DPYD: variants seen among roughly 807,000 people sequenced by gnomAD.
The protein encoded by DPYD is dihydropyrimidine dehydrogenase [NADP(+)].
In DPYD, 109 loss-of-function variants were observed where a neutral mutation model predicts 116.2. The ratio of observed to expected loss-of-function variants is 0.94; its 90% CI spans 0.80 to 1.10. The LOEUF (loss-of-function observed/expected upper bound fraction) is 1.10, where lower values mean the gene tolerates loss of function less well. Ranked by LOEUF, DPYD falls within the 50% of genes least tolerant of loss-of-function variation. The pLI is 0.00. For synonymous variants in DPYD, 440 were observed against 432.0 expected (o/e 1.02, Z -0.23); for missense variants, 1,302 against 1,254.5 (o/e 1.04, Z -0.57).
At chr1:97,224,984 T>C (rs1661019659) in intron 19 of DPYD, among the ~76,000 whole-genome samples, 1 of 149,830 alleles carries the variant, frequency 6.7e-6, no homozygotes, top group Non-Finnish European at 1.5e-5. Flanking sequence ...TACAGATCTA[T>C]CTAACTATCT....
At chr1:97,423,671 T>C (rs763966020) in intron 14 of DPYD, among the ~76,000 whole-genome samples, 2 of 152,116 alleles carry the variant, frequency 1.3e-5, no homozygotes, top group Non-Finnish European at 2.9e-5. Flanking sequence ...CAGTTTGCTC[T>C]CGTCTAAACT....
chr1:97,464,567 G>T (rs1044861217), intron 13 of DPYD, among the ~76,000 whole-genome samples: 1 of 152,150 alleles, frequency 6.6e-6, no homozygotes, highest in Non-Finnish European at 1.5e-5. Flanking sequence ...CTGTGCCCCA[G>T]CAACCCCAGC....
chr1:97,104,647 G>C (rs1373600546), intron 20 of DPYD, among the ~76,000 whole-genome samples: 1 of 152,096 alleles, frequency 6.6e-6, no homozygotes, highest in Non-Finnish European at 1.5e-5. Context: ...TGCAGTGGAG[G>C]CGTGAGGTCA....
intron 3 of DPYD, among the ~76,000 whole-genome samples, chr1:97,763,537 A>G (rs1330337032): frequency 6.6e-6 from 1 of 151,990 alleles, no homozygotes; most frequent in Non-Finnish European, 1.5e-5. Context: ...TCCTCCATCA[A>G]GAAAGGAAAA....
intron 14 of DPYD, among the ~76,000 whole-genome samples, chr1:97,449,303 A>T (rs1676263601): frequency 6.6e-6 from 1 of 152,184 alleles, no homozygotes; most frequent in South Asian, 2.1e-4. Flanking sequence ...ATTGAAAGAA[A>T]GAATGAAAGA....
intron 20 of DPYD, among the ~76,000 whole-genome samples, chr1:97,139,198 G>A (rs1400526263): frequency 1.3e-5 from 2 of 151,712 alleles, no homozygotes; most frequent in Non-Finnish European, 2.9e-5. Flanking sequence ...TGCCAGATTC[G>A]GTTCATCGGT....
intron 8 of DPYD, among the ~76,000 whole-genome samples, chr1:97,661,037 C>T (rs80253778): frequency 0.088 from 13,352 of 152,148 alleles, 804 homozygotes; most frequent in Middle Eastern, 0.12. Flanking sequence ...ATTTACCTCT[C>T]CATAATTATT....
chr1:97,721,521 A>G lies in DPYD; in HGVS notation c.472T>C (p.Phe158Leu). 1 of 1,611,296 alleles carries G rather than the reference A, an allele frequency of 6.2e-7. No homozygotes were observed. The change falls in exon 5 of 23, where the codon TTT (phenylalanine) becomes CTT (leucine). Residue 158 changes from phenylalanine (F) to leucine (L), a missense_variant. Phe to Leu is a conservative substitution (Grantham distance 22). Transcript: ENST00000370192. Reference protein sequence around the residue: ...GPINIGGLQQFATEVFKAMSI... With the variant: ...GPINIGGLQQLATEVFKAMSI... ...TATATCATACATACCTCAGTAGCAA[A>G]TTGCTGCAATCCACCAATATTAATG...
chr1:97,504,630 G>A (rs1028550400), intron 13 of DPYD, among the ~76,000 whole-genome samples: 1 of 151,836 alleles, frequency 6.6e-6, no homozygotes, highest in Non-Finnish European at 1.5e-5. Flanking sequence ...TTAGATAAAC[G>A]TTAGTCTAAA....
intron 20 of DPYD, among the ~76,000 whole-genome samples, chr1:97,160,829 A>G (rs1485588294): frequency 6.6e-6 from 1 of 152,132 alleles, no homozygotes; most frequent in East Asian, 1.9e-4. Context: ...TTTATTTTTC[A>G]AAGTTCAGTT....
intron 5 of DPYD, among the ~76,000 whole-genome samples, chr1:97,708,168 A>G (rs538833325): frequency 2.6e-5 from 4 of 152,190 alleles, no homozygotes; most frequent in South Asian, 2.1e-4. Context: ...AGTCTATCTT[A>G]TCAATAATTT....
intron 20 of DPYD, among the ~76,000 whole-genome samples, chr1:97,157,293 C>G (rs917399235): frequency 6.6e-6 from 1 of 151,458 alleles, no homozygotes; most frequent in Admixed American, 6.6e-5. Context: ...TAAAAAAACC[C>G]CTTCTTGGTA....
rs193020722 is a variant in DPYD at position 97,266,828 on chromosome 1, A to G, written c.2300-31834T>C. On this transcript the variant is annotated intron_variant, in intron 18 of 22. Coordinates refer to ENST00000370192, the MANE Select transcript of DPYD (RefSeq NM_000110.4). Reference sequence around the variant, plus strand: ...ATTTGCTCAGAATGATGACTTCCAGATTCATTCATGTCTCTGCAAAGGACA... The same window carrying G: ...ATTTGCTCAGAATGATGACTTCCAGGTTCATTCATGTCTCTGCAAAGGACA... 3.6e-4 allele frequency among the ~76,000 whole-genome samples: 54 copies of G among 152,056 alleles called. 1 individual carries two copies. The Middle Eastern group carries it at 0.01, about 29-fold the overall frequency.
intron 12 of DPYD, among the ~76,000 whole-genome samples, chr1:97,537,472 T>TA (rs1650096646): frequency 6.6e-6 from 1 of 152,160 alleles, no homozygotes; most frequent in African/African-American, 2.4e-5. Context: ...AAATTGTTAA[T>TA]AAAATGACAG....
At chr1:97,403,941 C>T (rs1673509569) in intron 14 of DPYD, among the ~76,000 whole-genome samples, 1 of 151,748 alleles carries the variant, frequency 6.6e-6, no homozygotes, top group South Asian at 2.1e-4. Flanking sequence ...ATATAAATTG[C>T]CCTTTAAGTA....
chr1:97,296,146 CAAACA>C (rs1666512630), intron 18 of DPYD: 2 of 151,168 alleles, frequency 1.3e-5, no homozygotes, highest in African/African-American at 4.8e-5. Context: ...TTGGGGATAC[CAAACA>C]AAATAATTCA....
rs1238304874 is a variant in DPYD, at chr1:97,724,346, GTGTGTGTGTGTGTGTGTGTA to G, written c.322-2695_322-2676del. Among the ~76,000 whole-genome samples the G allele has an allele frequency of 5.6e-3, 747 of 132,614 alleles. 7 individuals are homozygous for G. The highest frequency in any genetic ancestry group is 0.02 in the African/African-American group (691 of 35,412). The allele number at this position is 132,614 out of a possible 152,430, so 87.0% of individuals were successfully genotyped here. A position where few individuals can be genotyped will look rare whatever the true frequency, so the allele number is the denominator to read the frequency against. ...TGTGTGTGTGTGTGTGTGTGTGTGT[GTGTGTGTGTGTGTGTGTGTA>G]TGAGATTTATTATAGGAAACTGGTA... On this transcript the variant is annotated intron_variant, in intron 4 of 22. Transcript: ENST00000370192.
At chr1:97,700,043 G>A (rs1403164737) in intron 5 of DPYD, among the ~76,000 whole-genome samples, 1 of 151,950 alleles carries the variant, frequency 6.6e-6, no homozygotes, top group Non-Finnish European at 1.5e-5. Context: ...GATTAACTTT[G>A]GGAGAATAAT....
chr1:97,887,189 T>A (rs1345344655), intron 1 of DPYD, among the ~76,000 whole-genome samples: 1 of 151,740 alleles, frequency 6.6e-6, no homozygotes, highest in African/African-American at 2.4e-5. Context: ...AAATAGTATA[T>A]CCAGGCCAGG....
Sources: allele counts gnomAD v4.1 joint callset (sites outside exome capture counted in the v4.1 genomes callset), GRCh38; gene constraint gnomAD v4.1.1; transcripts MANE v1.5; gene names NCBI Gene and HGNC (gene_info 2026-07-23, HGNC 2026-07-21).